NKAIN2: variants seen among roughly 807,000 people sequenced by gnomAD.
The protein encoded by NKAIN2 is sodium/potassium transporting ATPase interacting 2, also known as sodium/potassium-transporting ATPase subunit beta-1-interacting protein 2.
NKAIN2 carries 14 observed loss-of-function variants against 32.6 expected under a neutral mutation model. The ratio of observed to expected loss-of-function variants is 0.43; its 90% CI spans 0.28 to 0.67. The LOEUF is 0.67. Among genes scored for constraint, NKAIN2 ranks in the 30% least tolerant of loss-of-function variants. The pLI, the probability that NKAIN2 is intolerant of heterozygous loss-of-function variation, is 0.17. For synonymous variants in NKAIN2, 80 were observed against 87.2 expected (o/e 0.92, Z 0.46); for missense variants, 198 against 258.3 (o/e 0.77, Z 1.60).
chr6:124,057,929 G>T (rs1782737206), intron 1 of NKAIN2, among the ~76,000 whole-genome samples: 1 of 151,990 alleles, frequency 6.6e-6, no homozygotes, highest in Middle Eastern at 3.4e-3. Flanking sequence ...TCAACCATTT[G>T]TTACAGATAT....
At chr6:123,932,584 T>G (rs1161681179) in intron 1 of NKAIN2, among the ~76,000 whole-genome samples, 1 of 151,778 alleles carries the variant, frequency 6.6e-6, no homozygotes, top group African/African-American at 2.4e-5. Flanking sequence ...GCCCGGCTAA[T>G]TTTTTCTATT....
intron 4 of NKAIN2, among the ~76,000 whole-genome samples, chr6:124,705,941 C>T (rs1402882181): frequency 6.6e-6 from 1 of 151,962 alleles, no homozygotes; most frequent in African/African-American, 2.4e-5. Context: ...ATTGAGGGAC[C>T]CACAAATCCT....
rs73557029 is a variant in NKAIN2 at position 123,976,726 on chromosome 6, A to G, written c.54+172472A>G. Among the ~76,000 whole-genome samples the G allele has an allele frequency of 3.8e-3, 584 of 152,222 alleles. 6 individuals are homozygous for G. The highest frequency in any genetic ancestry group is 0.014 in the African/African-American group (562 of 41,554). On this transcript the variant is annotated intron_variant, in intron 1 of 6. Transcript: ENST00000368417. ...TGCATCATATATTTACAAATGGCCA[A>G]GAATTAGGATTTACTACCTTTATAT...
intron 1 of NKAIN2, among the ~76,000 whole-genome samples, chr6:123,861,019 A>G (rs1372228270): frequency 6.6e-6 from 1 of 152,232 alleles, no homozygotes; most frequent in Non-Finnish European, 1.5e-5. Flanking sequence ...CTGTAGGAAC[A>G]GCAGAGGATT....
intron 2 of NKAIN2, among the ~76,000 whole-genome samples, chr6:124,319,484 T>A (rs1797087158): frequency 6.6e-6 from 1 of 152,078 alleles, no homozygotes; most frequent in African/African-American, 2.4e-5. Flanking sequence ...ATGTCACTGG[T>A]GATGGGGTGA....
intron 1 of NKAIN2, among the ~76,000 whole-genome samples, chr6:124,116,552 C>CA (rs1401118100): frequency 2.0e-5 from 3 of 152,042 alleles, no homozygotes; most frequent in African/African-American, 7.2e-5. Context: ...ATCCTAAAAA[C>CA]TTGGATGCAA....
rs531615388 is a variant in NKAIN2, at chr6:124,230,909, G to A, written c.55-52096G>A. On this transcript the variant is annotated intron_variant, in intron 1 of 6. Coordinates refer to ENST00000368417, the MANE Select transcript of NKAIN2 (RefSeq NM_001040214.3). ...AGTCCCTACTGGGGCACCTCCTAGTGGAGCTGTGAGAAGGGGGCCACTGTC... is the reference window on the plus strand; with the variant it reads ...AGTCCCTACTGGGGCACCTCCTAGTAGAGCTGTGAGAAGGGGGCCACTGTC... Among the ~76,000 whole-genome samples the A allele has an allele frequency of 1.7e-3, 258 of 152,324 alleles. 2 individuals are homozygous for A. The highest frequency in any genetic ancestry group is 3.4e-3 in the Middle Eastern group (1 of 294).
At chr6:124,418,527 T>C (rs1774599684) in intron 3 of NKAIN2, among the ~76,000 whole-genome samples, 1 of 147,858 alleles carries the variant, frequency 6.8e-6, no homozygotes, top group Non-Finnish European at 1.5e-5. Context: ...ATATATACTT[T>C]ATAAACAAAA....
intron 2 of NKAIN2, among the ~76,000 whole-genome samples, chr6:124,307,473 T>C (rs781136239): frequency 3.3e-5 from 5 of 152,096 alleles, no homozygotes; most frequent in Non-Finnish European, 5.9e-5. Context: ...TGTTTAACAG[T>C]TTGAAGGTTT....
intron 3 of NKAIN2, among the ~76,000 whole-genome samples, chr6:124,653,127 A>G (rs573792007): frequency 5.3e-5 from 8 of 152,302 alleles, no homozygotes; most frequent in Admixed American, 5.2e-4. Context: ...AAGTAATTTT[A>G]TGGATGTTGG....
rs1170461913 is a variant in NKAIN2, at chr6:124,533,766, A to C, written c.274-124420A>C. Among the ~76,000 whole-genome samples, 4 of 152,178 alleles carry C rather than the reference A, an allele frequency of 2.6e-5. 1 individual carries two copies. Among genetic ancestry groups the C allele is most frequent in the African/African-American group, 9.6e-5 (4 of 41,454 alleles). ...AAATTACTATGGAATGAGTGGCCTA[A>C]GTAACAAACCTTTATTTCCCACAGT... On this transcript the variant is annotated intron_variant, in intron 3 of 6. Coordinates refer to ENST00000368417, the MANE Select transcript of NKAIN2 (RefSeq NM_001040214.3).
chr6:124,568,264 A>C (rs1469007911), intron 3 of NKAIN2, among the ~76,000 whole-genome samples: 1 of 152,328 alleles, frequency 6.6e-6, no homozygotes, highest in Non-Finnish European at 1.5e-5. Context: ...TCAATCTCCC[A>C]TATCATTATA....
intron 4 of NKAIN2, among the ~76,000 whole-genome samples, chr6:124,780,717 G>A (rs1779224963): frequency 6.6e-6 from 1 of 152,172 alleles, no homozygotes; most frequent in Admixed American, 6.5e-5. Flanking sequence ...CCATCCATCT[G>A]ACTCTCCACC....
At chr6:124,539,866 G>A (rs1259922930) in intron 3 of NKAIN2, among the ~76,000 whole-genome samples, 1 of 152,034 alleles carries the variant, frequency 6.6e-6, no homozygotes, top group Non-Finnish European at 1.5e-5. Context: ...GACTACAAGT[G>A]TATGCCGCTA....
intron 1 of NKAIN2, among the ~76,000 whole-genome samples, chr6:124,229,533 T>TAGATAGATAGATAGATAGACAGACAGAC (rs1298590453): frequency 1.7e-4 from 26 of 149,168 alleles, no homozygotes; most frequent in African/African-American, 6.5e-4. Flanking sequence ...GATAGATAGA[T>TAGATAGATAGATAGATAGACAGACAGAC]AGACAGACAG....
intron 1 of NKAIN2, among the ~76,000 whole-genome samples, chr6:124,265,377 A>G (rs1285019433): frequency 3.9e-5 from 6 of 152,186 alleles, no homozygotes; most frequent in African/African-American, 1.4e-4. Flanking sequence ...CTTCATTTTT[A>G]ATACTGTTGT....
chr6:124,501,163 T>A (rs1375371660), intron 3 of NKAIN2, among the ~76,000 whole-genome samples: 1 of 152,190 alleles, frequency 6.6e-6, no homozygotes, highest in East Asian at 1.9e-4. Flanking sequence ...CCTTTGCAAA[T>A]GTTCTGGCCC....
rs1321222519 is a variant in NKAIN2 at position 123,806,188 on chromosome 6, A to G, written c.54+1934A>G. Among the ~76,000 whole-genome samples the G allele has an allele frequency of 3.3e-5, 5 of 152,236 alleles. No homozygotes were observed. In the East Asian group the frequency reaches 9.6e-4, roughly 29 times the overall value. ...ATCACTTATGAAACAGAAATTCTGA[A>G]TTATAATTAAGTTCTCTAACAGAAT... On this transcript the variant is annotated intron_variant, in intron 1 of 6. Coordinates refer to ENST00000368417, the MANE Select transcript of NKAIN2 (RefSeq NM_001040214.3).
chr6:123,874,265 T>C (rs1230771643), intron 1 of NKAIN2, among the ~76,000 whole-genome samples: 1 of 152,188 alleles, frequency 6.6e-6, no homozygotes, highest in Non-Finnish European at 1.5e-5. Context: ...TAAATTCTGG[T>C]TTGTGACACC....
Sources: gnomAD v4.1 joint callset for allele counts (sites outside exome capture counted in the v4.1 genomes callset) on GRCh38, gnomAD v4.1.1 for gene constraint, MANE v1.5 for transcripts, NCBI Gene and HGNC (gene_info 2026-07-23, HGNC 2026-07-21) for gene names.